Variants in ADGRB3 observed in about 807,000 individuals in gnomAD.
ADGRB3 encodes brain-specific angiogenesis inhibitor 3.
Under a neutral mutation model 193.4 loss-of-function variants are expected in ADGRB3, and 37 were observed. The ratio of observed to expected loss-of-function variants is 0.19; its 90% CI spans 0.15 to 0.25. ADGRB3 has a LOEUF of 0.25. Ranked by LOEUF, ADGRB3 falls within the 10% of genes least tolerant of loss-of-function variation. The pLI is 1.00. For synonymous variants in ADGRB3, 690 were observed against 644.2 expected, an observed-to-expected ratio of 1.07 and a Z score of -1.08; for missense variants, 1,637 against 1,852.9, an observed-to-expected ratio of 0.88 and a Z score of 2.14.
intron 17 of ADGRB3, among the ~76,000 whole-genome samples, chr6:69,100,905 C>A (rs114245485): frequency 9.1e-5 from 1 of 11,018 alleles, no homozygotes; most frequent in Non-Finnish European, 1.5e-4. Flanking sequence ...AAGGAAGAAG[C>A]GAGGGAGGGA....
chr6:68,918,120 A>G (rs1208255868), intron 3 of ADGRB3, among the ~76,000 whole-genome samples: 1 of 152,152 alleles, frequency 6.6e-6, no homozygotes, highest in Non-Finnish European at 1.5e-5. Flanking sequence ...AATGGAAAAC[A>G]TTTTTCCTTC....
chr6:68,666,836 A>G (rs991252714), intron 3 of ADGRB3, among the ~76,000 whole-genome samples: 1 of 151,786 alleles, frequency 6.6e-6, no homozygotes, highest in African/African-American at 2.4e-5. Context: ...TAAGAAATAC[A>G]TGGAATTTTA....
At chr6:69,291,123 T>G (rs1274690376) in intron 20 of ADGRB3, among the ~76,000 whole-genome samples, 1 of 152,254 alleles carries the variant, frequency 6.6e-6, no homozygotes, top group Non-Finnish European at 1.5e-5. Flanking sequence ...TTGGATTAAT[T>G]TTTTGAGATT....
intron 17 of ADGRB3, among the ~76,000 whole-genome samples, chr6:69,152,632 A>T (rs1318948740): frequency 2.6e-5 from 4 of 152,200 alleles, no homozygotes; most frequent in African/African-American, 4.8e-5. Flanking sequence ...TTAAATCCAC[A>T]TGTGTTAAGT....
intron 17 of ADGRB3, among the ~76,000 whole-genome samples, chr6:69,206,045 G>GCATATATA (rs1554169625): frequency 1.0e-5 from 1 of 99,952 alleles, no homozygotes; most frequent in African/African-American, 3.8e-5. Context: ...TATAATAATG[G>GCATATATA]TATATATATA....
chr6:69,227,063 A>T (rs529689575), intron 17 of ADGRB3, among the ~76,000 whole-genome samples: 1 of 152,338 alleles, frequency 6.6e-6, no homozygotes, highest in East Asian at 1.9e-4. Context: ...CCTACTACAG[A>T]TGGGAAGTTA....
At chr6:68,856,141 C>G (rs1343368052) in intron 3 of ADGRB3, among the ~76,000 whole-genome samples, 1 of 152,138 alleles carries the variant, frequency 6.6e-6, no homozygotes, top group Non-Finnish European at 1.5e-5. Flanking sequence ...CTTCCCCAGC[C>G]ACATGGGACT....
intron 17 of ADGRB3, among the ~76,000 whole-genome samples, chr6:69,226,323 A>C (rs1184399679): frequency 6.6e-6 from 1 of 152,242 alleles, no homozygotes; most frequent in Non-Finnish European, 1.5e-5. Flanking sequence ...TGAATGAATG[A>C]ATGATGTAGG....
At chr6:69,217,523 GGTAA>G (rs1415153295) in intron 17 of ADGRB3, among the ~76,000 whole-genome samples, 1 of 152,146 alleles carries the variant, frequency 6.6e-6, no homozygotes, top group African/African-American at 2.4e-5. Context: ...TAACATGGCT[GGTAA>G]GTAAGGCTGC....
intron 17 of ADGRB3, among the ~76,000 whole-genome samples, chr6:69,101,627 A>C (rs954453819): frequency 2.0e-5 from 3 of 151,956 alleles, no homozygotes; most frequent in Admixed American, 2.0e-4. Context: ...AATTATATTT[A>C]CTTTTTTACC....
intron 3 of ADGRB3, among the ~76,000 whole-genome samples, chr6:68,865,758 T>C (rs553117): frequency 0.45 from 67,670 of 151,602 alleles, 16,391 homozygotes; most frequent in East Asian, 0.59. Context: ...GTCCTGCACC[T>C]TCTGTCTACC....
At chr6:68,677,130 A>G (rs9346233) in intron 3 of ADGRB3, among the ~76,000 whole-genome samples, 41,763 of 152,116 alleles carry the variant, frequency 0.27, 6,414 homozygotes, top group Non-Finnish European at 0.35. Flanking sequence ...AATACGTACT[A>G]TATTGGCGAG....
intron 17 of ADGRB3, among the ~76,000 whole-genome samples, chr6:69,205,012 T>A (rs2150359080): frequency 6.6e-6 from 1 of 152,282 alleles, no homozygotes; most frequent in African/African-American, 2.4e-5. Flanking sequence ...TAAGTTAAAA[T>A]TTTTCCTGTA....
chr6:68,982,042 C>T (rs764339269), intron 10 of ADGRB3, among the ~76,000 whole-genome samples: 6 of 151,864 alleles, frequency 4.0e-5, no homozygotes, highest in East Asian at 3.9e-4. Context: ...CCTGCCACCA[C>T]GCCGGGCTAA....
intron 20 of ADGRB3, among the ~76,000 whole-genome samples, chr6:69,257,461 T>G (rs528390767): frequency 7.2e-5 from 11 of 152,340 alleles, no homozygotes; most frequent in Non-Finnish European, 1.5e-5. Context: ...AATTTATCCA[T>G]TTCTTCTAGA....
intron 17 of ADGRB3, among the ~76,000 whole-genome samples, chr6:69,125,702 A>G (rs955908926): frequency 6.6e-6 from 1 of 152,250 alleles, no homozygotes; most frequent in African/African-American, 2.4e-5. Context: ...GGCAAAGCCA[A>G]TGTCTAAAGT....
rs1770128546 is a variant in ADGRB3, at chr6:69,388,719, A to G, written c.4397A>G (p.Asn1466Ser). Residue 1466 changes from asparagine (N) to serine (S), a missense_variant, in exon 32 of 32, where the codon AAC becomes AGC. This residue lies in a region of ADGRB3 where 368 missense variants were observed against 367.4 expected (regional missense o/e 1.00). Coordinates refer to ENST00000370598, the MANE Select transcript of ADGRB3 (RefSeq NM_001704.3). ...TCTCAACAGGAAAACCCCGCACCAA[A>G]CAAGAATCCATGGGACACTTTCAAA... ...NTSSMENPAP[N>S]KNPWDTFKNP... The G allele has an allele frequency of 6.2e-7, 1 of 1,612,932 alleles. No homozygotes were observed. Among genetic ancestry groups the G allele is most frequent in the Non-Finnish European group, 8.5e-7 (1 of 1,179,458 alleles).
chr6:68,836,260 C>T (rs1462831711), intron 3 of ADGRB3, among the ~76,000 whole-genome samples: 2 of 151,978 alleles, frequency 1.3e-5, no homozygotes, highest in East Asian at 1.9e-4. Flanking sequence ...TCTTGTCTTT[C>T]TAGGCAAGGG....
At chr6:68,887,207 A>G (rs1416979608) in intron 3 of ADGRB3, among the ~76,000 whole-genome samples, 1 of 152,000 alleles carries the variant, frequency 6.6e-6, no homozygotes, top group East Asian at 1.9e-4. Context: ...ATTGCCTTAT[A>G]TAGTTCCATT....
Sources: gnomAD v4.1 joint callset for allele counts (sites outside exome capture counted in the v4.1 genomes callset) on GRCh38, gnomAD v4.1.1 for gene constraint, gnomAD v4.1.1 regional missense constraint, MANE v1.5 for transcripts, NCBI Gene and HGNC (gene_info 2026-07-23, HGNC 2026-07-21) for gene names.